Variants in TNFRSF8 observed in about 807,000 individuals in gnomAD.
The protein encoded by TNFRSF8 is tumor necrosis factor receptor superfamily member 8.
A neutral mutation model predicts 70.8 loss-of-function variants in TNFRSF8; 26 were observed. The observed-to-expected ratio is 0.37, with a 90% CI of 0.27 to 0.51. The LOEUF is 0.51. Ranked by LOEUF, TNFRSF8 falls within the 20% of genes least tolerant of loss-of-function variation. The pLI is 0.94. For synonymous variants in TNFRSF8, 356 were observed against 339.2 expected (o/e 1.05, Z -0.54); for missense variants, 720 against 807.9 (o/e 0.89, Z 1.32).
chr1:12,123,445 G>A, intron 9 of TNFRSF8, 68 bp downstream of exon 9: 1 of 1,431,974 alleles, frequency 7.0e-7, no homozygotes, highest in Non-Finnish European at 9.5e-7. Flanking sequence ...ATGCCCAGGG[G>A]ATGCCTGGGA....
intron 4 of TNFRSF8, among the ~76,000 whole-genome samples, chr1:12,106,317 T>C (rs1013794878): frequency 1.1e-4 from 17 of 151,964 alleles, no homozygotes; most frequent in African/African-American, 4.1e-4. Flanking sequence ...GAGACACCCT[T>C]CCCTCCCCAT....
At chr1:12,111,020 A>C (rs941682720) in intron 6 of TNFRSF8, among the ~76,000 whole-genome samples, 1 of 152,222 alleles carries the variant, frequency 6.6e-6, no homozygotes, top group African/African-American at 2.4e-5. Flanking sequence ...AGAAAAATAC[A>C]TCTTTGCGTG....
rs927925909 is a variant in TNFRSF8 at position 12,141,450 on chromosome 1, G to A, written c.1544-837G>A. On this transcript the variant is annotated intron_variant, in intron 14 of 14. Transcript: ENST00000263932. The surrounding 1 kb of genome is among the most constrained non-coding windows in gnomAD (Gnocchi z 5.4). The stretch of plus-strand genomic sequence containing the variant: ...CCCACATCAGACTGTGGCGAGGACC[G>A]GCCCTCCGTCCAAGCTCCCACCATG... Among the ~76,000 whole-genome samples the A allele has an allele frequency of 3.3e-5, 5 of 152,344 alleles. No individual in the cohort carries two copies. Among genetic ancestry groups the A allele is most frequent in the African/African-American group, 4.8e-5 (2 of 41,576 alleles).
chr1:12,118,850 T>G (rs113033885), intron 8 of TNFRSF8, among the ~76,000 whole-genome samples: 5,920 of 152,060 alleles, frequency 0.039, 392 homozygotes, highest in African/African-American at 0.14. Flanking sequence ...GCATTTGTTT[T>G]TTTGTTTGTT....
chr1:12,138,779 G>A lies in TNFRSF8; in HGVS notation c.1543+343G>A, dbSNP rs1642201768. 6.6e-6 allele frequency among the ~76,000 whole-genome samples: 1 copy of A among 152,230 alleles called. No individual in the cohort carries two copies. The highest frequency in any genetic ancestry group is 1.5e-5 in the Non-Finnish European group (1 of 68,044). ...CTGCCACTTGTCTGGCGCATTCCGG[G>A]CACTGTGTAGGTGCCATCTCTTCAT... On this transcript the variant is annotated intron_variant, in intron 14 of 14. Transcript: ENST00000263932. This position sits in a 1 kb window ranked among gnomAD's most constrained non-coding sequence, Gnocchi z 5.7.
At chr1:12,137,014 G>T (rs1642159050) in intron 13 of TNFRSF8, among the ~76,000 whole-genome samples, 1 of 151,844 alleles carries the variant, frequency 6.6e-6, no homozygotes, top group South Asian at 2.1e-4. Context: ...AAGGTCTCTG[G>T]TTTTCCTAGG....
At chr1:12,103,005 T>G (rs1370295911) in intron 3 of TNFRSF8, among the ~76,000 whole-genome samples, 2 of 152,236 alleles carry the variant, frequency 1.3e-5, no homozygotes, top group Non-Finnish European at 2.9e-5. Context: ...ATGTGTTTAT[T>G]GGCCAGCTGT....
chr1:12,081,126 C>T (rs542495188), intron 1 of TNFRSF8, among the ~76,000 whole-genome samples: 112 of 152,284 alleles, frequency 7.4e-4, no homozygotes, highest in African/African-American at 2.6e-3. Flanking sequence ...CATGGGCTCC[C>T]CATTCTCTGC....
At chr1:12,115,498 C>T (rs939086760) in intron 7 of TNFRSF8, 79 bp from the exon 8 acceptor site, 1 of 1,514,530 alleles carries the variant, frequency 6.6e-7, no homozygotes, top group Non-Finnish European at 9.2e-7. Flanking sequence ...AACTGCTTCT[C>T]TGTCTTCCTG....
chr1:12,131,985 G>A (rs1217006701), intron 12 of TNFRSF8, among the ~76,000 whole-genome samples: 1 of 150,912 alleles, frequency 6.6e-6, no homozygotes, highest in East Asian at 2.0e-4. Context: ...GTAGAGATGG[G>A]GTTTCACCAG....
At chr1:12,071,020 T>C (rs1640834302) in intron 1 of TNFRSF8, among the ~76,000 whole-genome samples, 1 of 152,162 alleles carries the variant, frequency 6.6e-6, no homozygotes, top group Non-Finnish European at 1.5e-5. Flanking sequence ...ACATTATCTG[T>C]TCATTCGTTC....
At chr1:12,093,334 C>T (rs1641277141) in intron 2 of TNFRSF8, among the ~76,000 whole-genome samples, 1 of 152,178 alleles carries the variant, frequency 6.6e-6, no homozygotes. Flanking sequence ...GATACCCAGA[C>T]TGGCTGTAGT....
At chr1:12,075,966 C>T (rs1268327999) in intron 1 of TNFRSF8, among the ~76,000 whole-genome samples, 1 of 152,242 alleles carries the variant, frequency 6.6e-6, no homozygotes, top group Non-Finnish European at 1.5e-5. Context: ...TAAAACTCTC[C>T]TCCACACAGA....
intron 3 of TNFRSF8, 26 bp downstream of exon 3, chr1:12,097,243 G>A: frequency 2.5e-6 from 4 of 1,581,070 alleles, no homozygotes; most frequent in Non-Finnish European, 2.6e-6. Flanking sequence ...TCTCTCCAGG[G>A]CCTCCTTCTA....
At chr1:12,084,581 G>A in intron 2 of TNFRSF8, 30 bp downstream of exon 2, 1 of 1,599,126 alleles carries the variant, frequency 6.3e-7, no homozygotes, top group Middle Eastern at 1.7e-4. Flanking sequence ...GTGGGGAGAA[G>A]GGGGGAAATT....
rs192487230 is a variant in TNFRSF8 at position 12,119,338 on chromosome 1, G to A, written c.946+3609G>A. Among the ~76,000 whole-genome samples the A allele has an allele frequency of 1.1e-4, 16 of 152,232 alleles. No homozygotes were observed. Among genetic ancestry groups the A allele is most frequent in the South Asian group, 2.1e-4 (1 of 4,824 alleles). The stretch of plus-strand genomic sequence containing the variant: ...TTTGGCACCCCAAAGTGCTCCAGGC[G>A]TCTCCCCCACAGTGGCAGCCTCAAT... On this transcript the variant is annotated intron_variant, in intron 8 of 14. Transcript: ENST00000263932. This position sits in a 1 kb window ranked among gnomAD's most constrained non-coding sequence, Gnocchi z 4.4.
rs11569903 is a variant in TNFRSF8 at position 12,122,830 on chromosome 1, C to T, written c.947-454C>T. On this transcript the variant is annotated intron_variant, in intron 8 of 14. Coordinates refer to ENST00000263932, the MANE Select transcript of TNFRSF8 (RefSeq NM_001243.5). Reference sequence around the variant, plus strand: ...AGCTGTTAGAGACAAGTAGCAACTTCTCCACTTTGTTTTATTTATTTTGAG... The same window carrying T: ...AGCTGTTAGAGACAAGTAGCAACTTTTCCACTTTGTTTTATTTATTTTGAG... Among the ~76,000 whole-genome samples the T allele has an allele frequency of 7.5e-3, 1,142 of 152,194 alleles. 12 individuals are homozygous for T. Among genetic ancestry groups the T allele is most frequent in the African/African-American group, 0.027 (1,107 of 41,546 alleles).
chr1:12,136,649 GAAAAAA>G (rs55656730), intron 13 of TNFRSF8, among the ~76,000 whole-genome samples: 2 of 122,348 alleles, frequency 1.6e-5, no homozygotes. Context: ...GACTCCATCT[GAAAAAA>G]AAAAAAAAAA....
intron 13 of TNFRSF8, among the ~76,000 whole-genome samples, chr1:12,136,870 C>CTTT (rs201470263): frequency 2.5e-5 from 3 of 118,692 alleles, no homozygotes; most frequent in Admixed American, 8.5e-5. Flanking sequence ...ATACTCAGTT[C>CTTT]TTTTTTTTTT....
Sources: allele counts gnomAD v4.1 joint callset (sites outside exome capture counted in the v4.1 genomes callset), GRCh38; gene constraint gnomAD v4.1.1; non-coding constraint Gnocchi (gnomAD v3.1); transcripts MANE v1.5; gene names NCBI Gene and HGNC (gene_info 2026-07-23, HGNC 2026-07-21).